Variants in PRKN observed in about 807,000 individuals in gnomAD.
PRKN encodes parkin RBR E3 ubiquitin protein ligase.
A neutral mutation model predicts 59.5 loss-of-function variants in PRKN; 56 were observed. The observed-to-expected ratio is 0.94, with a 90% CI of 0.76 to 1.18. The LOEUF is 1.18. Among genes scored for constraint, PRKN ranks in the 50% most tolerant of loss-of-function variants. The pLI, the probability that PRKN is intolerant of heterozygous loss-of-function variation, is 0.00. For missense variants in PRKN, 657 were observed against 596.4 expected, an observed-to-expected ratio of 1.10 and a Z score of -1.06; for synonymous variants, 250 against 222.1, an observed-to-expected ratio of 1.13 and a Z score of -1.12.
rs905462905 is a variant in PRKN, at chr6:161,470,669, C to T, written c.1083+78185G>A. ...CAGACTATGCCCCAGGCACCTGAGC[C>T]CCAGAATTCCCTGCCCAAATGGCCT... On this transcript the variant is annotated intron_variant, in intron 9 of 11. Transcript: ENST00000366898. The surrounding 1 kb of genome is among the most constrained non-coding windows in gnomAD (Gnocchi z 5.1). Among the ~76,000 whole-genome samples, 3 of 152,210 alleles carry T rather than the reference C, an allele frequency of 2.0e-5. No individual in the cohort carries two copies.
chr6:162,323,005 G>C (rs1436905916), intron 2 of PRKN, among the ~76,000 whole-genome samples: 1 of 147,742 alleles, frequency 6.8e-6, no homozygotes, highest in African/African-American at 2.5e-5. Flanking sequence ...CTCACTCATA[G>C]GTGGGAATTG....
At chr6:161,995,735 T>G (rs1358474151) in intron 5 of PRKN, among the ~76,000 whole-genome samples, 1 of 152,104 alleles carries the variant, frequency 6.6e-6, no homozygotes, top group Non-Finnish European at 1.5e-5. Flanking sequence ...ATGGCTATTA[T>G]CAAAAAGACA....
intron 4 of PRKN, among the ~76,000 whole-genome samples, chr6:162,094,118 T>C (rs968862819): frequency 6.6e-6 from 1 of 151,734 alleles, no homozygotes; most frequent in Non-Finnish European, 1.5e-5. Context: ...ACTGACTGAG[T>C]AGGTAGAGCA....
intron 10 of PRKN, among the ~76,000 whole-genome samples, chr6:161,370,355 C>T (rs71567606): frequency 1.3e-5 from 2 of 149,834 alleles, no homozygotes; most frequent in South Asian, 2.1e-4. Context: ...GAGGCCGAGG[C>T]GGGTGGATCA....
chr6:161,853,350 G>A (rs1041853052), intron 6 of PRKN, among the ~76,000 whole-genome samples: 5 of 152,154 alleles, frequency 3.3e-5, no homozygotes, highest in South Asian at 2.1e-4. Flanking sequence ...AGATAGCTAT[G>A]GACTAGTGCG....
At chr6:161,370,591 C>CAAAAAAAAAAAAAAAAAAAAA (rs560655971) in intron 10 of PRKN, among the ~76,000 whole-genome samples, 6 of 57,834 alleles carry the variant, frequency 1.0e-4, no homozygotes, top group African/African-American at 1.7e-4. Context: ...GACTCTGTGT[C>CAAAAAAAAAAAAAAAAAAAAA]AAAAAAAAAA....
chr6:162,002,052 G>A (rs540263059), intron 5 of PRKN, among the ~76,000 whole-genome samples: 1 of 151,914 alleles, frequency 6.6e-6, no homozygotes, highest in South Asian at 2.1e-4. Context: ...TCAATACATT[G>A]ATTTGCTCAT....
At chr6:162,587,603 T>C (rs1781116169) in intron 1 of PRKN, among the ~76,000 whole-genome samples, 1 of 152,170 alleles carries the variant, frequency 6.6e-6, no homozygotes, top group South Asian at 2.1e-4. Context: ...TATGATAATA[T>C]AATAGTCATA....
chr6:162,124,221 C>T (rs541994656), intron 4 of PRKN, among the ~76,000 whole-genome samples: 19 of 152,288 alleles, frequency 1.2e-4, no homozygotes, highest in East Asian at 7.7e-4. Context: ...CTTCCTTTCA[C>T]CAACACCAGG....
chr6:162,158,417 T>A (rs867141359), intron 4 of PRKN, among the ~76,000 whole-genome samples: 1 of 3,090 alleles, frequency 3.2e-4, no homozygotes, highest in African/African-American at 3.6e-4. Context: ...TTTGTTTGCG[T>A]TTTTTTTTTT....
chr6:162,599,668 C>T (rs781513741), intron 1 of PRKN, among the ~76,000 whole-genome samples: 14 of 152,108 alleles, frequency 9.2e-5, no homozygotes, highest in African/African-American at 2.2e-4. Context: ...TCAGGGTACA[C>T]GACAGCACAC....
chr6:162,579,007 A>T (rs1160629363), intron 1 of PRKN, among the ~76,000 whole-genome samples: 1 of 152,176 alleles, frequency 6.6e-6, no homozygotes, highest in Non-Finnish European at 1.5e-5. Flanking sequence ...ATTTACCCAC[A>T]TATGTTTCTT....
intron 9 of PRKN, among the ~76,000 whole-genome samples, chr6:161,489,827 T>C (rs10455887): frequency 0.47 from 71,950 of 152,042 alleles, 17,895 homozygotes; most frequent in Middle Eastern, 0.6. Context: ...CAAGCTGTTA[T>C]ACAAAGGCTT....
chr6:161,810,605 A>G (rs1791519651), intron 6 of PRKN, among the ~76,000 whole-genome samples: 1 of 152,210 alleles, frequency 6.6e-6, no homozygotes, highest in South Asian at 2.1e-4. Context: ...ATTCCCTTGG[A>G]TCAAGACATG....
chr6:162,227,308 C>T lies in PRKN; in HGVS notation c.413-26056G>A, dbSNP rs534025256. On this transcript the variant is annotated intron_variant, in intron 3 of 11. Transcript: ENST00000366898. ...TTTGAAAATAAGGGTTTTTTTCCCCCACCTTAATGTAATAAACCAAACCAC... is the reference window on the plus strand; with the variant it reads ...TTTGAAAATAAGGGTTTTTTTCCCCTACCTTAATGTAATAAACCAAACCAC... Among the ~76,000 whole-genome samples, 246 of 152,202 alleles carry T rather than the reference C, an allele frequency of 1.6e-3. 1 individual carries two copies. The highest frequency in any genetic ancestry group is 5.5e-3 in the African/African-American group (230 of 41,542).
In PRKN at chr6:161,518,980, G is replaced by A. The variant is rs1778717896; in HGVS notation, c.1083+29874C>T. 6.6e-6 allele frequency among the ~76,000 whole-genome samples: 1 copy of A among 152,168 alleles called. No homozygotes were observed. Among genetic ancestry groups the A allele is most frequent in the East Asian group, 1.9e-4 (1 of 5,182 alleles). On this transcript the variant is annotated intron_variant, in intron 9 of 11. Coordinates refer to ENST00000366898, the MANE Select transcript of PRKN (RefSeq NM_004562.3). This position sits in a 1 kb window ranked among gnomAD's most constrained non-coding sequence, Gnocchi z 5.0. ...GGGAAAACTGCACTCGTGTCCAGAT[G>A]CAAGTAAATGATAAACTCCTCGAGA...
intron 2 of PRKN, among the ~76,000 whole-genome samples, chr6:162,319,837 G>T (rs1221875971): frequency 6.6e-6 from 1 of 151,848 alleles, no homozygotes; most frequent in Non-Finnish European, 1.5e-5. Context: ...TCATCAGCAT[G>T]CTTATTTTTC....
chr6:162,135,645 C>A (rs1413785065), intron 4 of PRKN, among the ~76,000 whole-genome samples: 1 of 152,100 alleles, frequency 6.6e-6, no homozygotes, highest in African/African-American at 2.4e-5. Context: ...CTTGTCTCCA[C>A]GTCAGTGACA....
At chr6:162,487,517 T>C (rs1792601213) in intron 1 of PRKN, among the ~76,000 whole-genome samples, 1 of 152,156 alleles carries the variant, frequency 6.6e-6, no homozygotes, top group African/African-American at 2.4e-5. Context: ...GTAATTCCTT[T>C]TCTTTACTGA....
Sources: gnomAD v4.1 joint callset for allele counts (sites outside exome capture counted in the v4.1 genomes callset) on GRCh38, gnomAD v4.1.1 for gene constraint, Gnocchi (gnomAD v3.1) non-coding constraint, MANE v1.5 for transcripts, NCBI Gene and HGNC (gene_info 2026-07-23, HGNC 2026-07-21) for gene names.